Variants in THNSL1 observed in about 807,000 individuals in gnomAD.
THNSL1 encodes threonine synthase-like 1.
A neutral mutation model predicts 50.4 loss-of-function variants in THNSL1; 48 were observed. That is an observed-to-expected ratio of 0.95 (90% CI 0.76 to 1.21). THNSL1 has a LOEUF of 1.21. Among genes scored for constraint, THNSL1 ranks in the 50% most tolerant of loss-of-function variants. The pLI is 0.00. For synonymous variants in THNSL1, 309 were observed against 306.1 expected (o/e 1.01, Z -0.10); for missense variants, 896 against 871.7 (o/e 1.03, Z -0.35).
At chr10:25,010,607 A>G in the THNSL1 span, among the ~76,000 whole-genome samples, 12 of 132,178 alleles carry the variant, frequency 9.1e-5, no homozygotes, top group African/African-American at 3.5e-4. Flanking sequence ...CCCCCACCCC[A>G]CAACAGTCCC....
chr10:24,989,013 C>T, the THNSL1 span, among the ~76,000 whole-genome samples: 1 of 151,836 alleles, frequency 6.6e-6, no homozygotes, highest in Non-Finnish European at 1.5e-5. Flanking sequence ...AACTCTGTAG[C>T]GACCGTAATG....
chr10:24,960,486 G>A, the THNSL1 span, among the ~76,000 whole-genome samples: 58 of 151,898 alleles, frequency 3.8e-4, 1 homozygote, highest in South Asian at 0.011. Context: ...GGAGTGCATG[G>A]AGCAATCTCA....
At chr10:25,002,562 A>C in the THNSL1 span, among the ~76,000 whole-genome samples, 1 of 152,106 alleles carries the variant, frequency 6.6e-6, no homozygotes, top group South Asian at 2.1e-4. Flanking sequence ...TTTATTGTTC[A>C]GAGTCTGATA....
At chr10:24,964,691 C>T in the THNSL1 span, among the ~76,000 whole-genome samples, 1 of 152,172 alleles carries the variant, frequency 6.6e-6, no homozygotes, top group African/African-American at 2.4e-5. Flanking sequence ...TGACTATCCA[C>T]AGTAATGATA....
the THNSL1 span, among the ~76,000 whole-genome samples, chr10:24,969,778 C>A: frequency 1.3e-5 from 2 of 152,222 alleles, no homozygotes; most frequent in Non-Finnish European, 2.9e-5. Flanking sequence ...CTAAGGAAGT[C>A]TAAAACTTTT....
chr10:24,988,866 T>G, the THNSL1 span, among the ~76,000 whole-genome samples: 1 of 151,822 alleles, frequency 6.6e-6, no homozygotes, highest in African/African-American at 2.4e-5. Context: ...TCGAACTACA[T>G]GCAACTCTTG....
At chr10:24,990,713 A>G in the THNSL1 span, 1 of 1,184,746 alleles carries the variant, frequency 8.4e-7, no homozygotes, top group Non-Finnish European at 1.2e-6. Context: ...TACAGACTAA[A>G]TCCTTTGTTC....
the THNSL1 span, among the ~76,000 whole-genome samples, chr10:24,980,664 T>A: frequency 6.6e-6 from 1 of 151,964 alleles, no homozygotes; most frequent in African/African-American, 2.4e-5. Flanking sequence ...ATAAAATAAA[T>A]TTTTTTTCTC....
the THNSL1 span, among the ~76,000 whole-genome samples, chr10:24,988,255 T>A: frequency 7.1e-6 from 1 of 140,528 alleles, no homozygotes; most frequent in Non-Finnish European, 1.5e-5. Context: ...TATATATGTG[T>A]ATATATATAT....
chr10:24,995,810 G>C, the THNSL1 span: 1 of 1,613,938 alleles, frequency 6.2e-7, no homozygotes, highest in Non-Finnish European at 8.5e-7. Context: ...CCCATGACAG[G>C]ATGATCAGTC....
chr10:25,002,841 C>T, the THNSL1 span, among the ~76,000 whole-genome samples: 2 of 151,838 alleles, frequency 1.3e-5, no homozygotes, highest in Admixed American at 6.6e-5. Context: ...ATGTTCAAAC[C>T]AAATCTGTGC....
the THNSL1 span, among the ~76,000 whole-genome samples, chr10:24,973,195 A>G: frequency 6.6e-6 from 1 of 152,128 alleles, no homozygotes; most frequent in Non-Finnish European, 1.5e-5. Context: ...GGCATATCCG[A>G]CTTGCCAGCA....
the THNSL1 span, among the ~76,000 whole-genome samples, chr10:24,976,879 G>T: frequency 6.6e-6 from 1 of 152,060 alleles, no homozygotes; most frequent in South Asian, 2.1e-4. Flanking sequence ...CTGCAAAAAA[G>T]CCAGGGAATT....
At chr10:24,962,414 C>T in the THNSL1 span, among the ~76,000 whole-genome samples, 2 of 152,090 alleles carry the variant, frequency 1.3e-5, no homozygotes, top group African/African-American at 4.8e-5. Context: ...ATATAAAGGA[C>T]AACAACACAC....
chr10:24,997,985 A>T, the THNSL1 span, among the ~76,000 whole-genome samples: 1 of 152,162 alleles, frequency 6.6e-6, no homozygotes, highest in East Asian at 1.9e-4. Flanking sequence ...ACAACAGGCC[A>T]AGACTAGAGG....
At chr10:24,971,098 C>G in the THNSL1 span, among the ~76,000 whole-genome samples, 4 of 150,944 alleles carry the variant, frequency 2.6e-5, no homozygotes, top group South Asian at 8.3e-4. Context: ...CACTTTGACA[C>G]TCACTGCTTT....
chr10:24,988,654 C>G, the THNSL1 span, among the ~76,000 whole-genome samples: 1 of 76,568 alleles, frequency 1.3e-5, no homozygotes, highest in African/African-American at 5.7e-5. Flanking sequence ...TGTAGAGTGA[C>G]ACAGCATATG....
the THNSL1 span, among the ~76,000 whole-genome samples, chr10:24,976,396 A>G: frequency 2.0e-5 from 3 of 152,214 alleles, no homozygotes; most frequent in Non-Finnish European, 2.9e-5. Context: ...TAATGAAAGC[A>G]GGACTCACAT....
At position 25,025,385 on chromosome 10, in the gene THNSL1, A is replaced by G. The variant is rs760288797; in HGVS notation, c.2162A>G (p.Gln721Arg). The change falls in exon 3 of 3, where the codon CAG becomes CGG. Residue 721 changes from glutamine to arginine, a missense_variant. Physicochemically the swap from Gln to Arg is conservative, Grantham distance 43. Transcript: ENST00000376356. ...AAACAGCAAGAGAAGATGGAGTACC[A>G]GGTCTGTGCAGCTGATATGAATGTC... ...RTKQQEKMEY[Q>R]VCAADMNVLK... 2.5e-6 allele frequency: 4 copies of G among 1,614,258 alleles called. No homozygotes were observed. The highest frequency in any genetic ancestry group is 3.4e-6 in the Non-Finnish European group (4 of 1,180,046).
Sources: allele counts gnomAD v4.1 joint callset (sites outside exome capture counted in the v4.1 genomes callset), GRCh38; gene constraint gnomAD v4.1.1; transcripts MANE v1.5; gene names NCBI Gene and HGNC (gene_info 2026-07-23, HGNC 2026-07-21).